Variants in RAB14 observed in about 807,000 individuals in gnomAD.
RAB14 encodes the protein ras-related protein Rab-14.
Under a neutral mutation model 31.1 loss-of-function variants are expected in RAB14, and 3 were observed. The ratio of observed to expected loss-of-function variants is 0.10; its 90% confidence interval spans 0.04 to 0.25. RAB14 has a LOEUF of 0.25. Ranked by LOEUF, RAB14 falls within the 10% of genes least tolerant of loss-of-function variation. The pLI is 1.00. For missense variants in RAB14, 111 were observed against 260.1 expected, an observed-to-expected ratio of 0.43 and a Z score of 3.94; for synonymous variants, 85 against 84.9, an observed-to-expected ratio of 1.00 and a Z score of 0.00.
At chr9:121,183,687 G>GT (rs1482468813) in intron 5 of RAB14, among the ~76,000 whole-genome samples, 2 of 152,060 alleles carry the variant, frequency 1.3e-5, no homozygotes, top group South Asian at 2.1e-4. Context: ...TCGTTGCTGG[G>GT]TTTTTTTGTT....
chr9:121,194,621 A>G (rs1238636345), intron 1 of RAB14, among the ~76,000 whole-genome samples: 3 of 152,158 alleles, frequency 2.0e-5, no homozygotes, highest in Non-Finnish European at 2.9e-5. Flanking sequence ...CCCATTTAAA[A>G]AAATCTGACT....
chr9:121,186,844 T>G, intron 5 of RAB14, 109 bp downstream of exon 5: 1 of 579,508 alleles, frequency 1.7e-6, no homozygotes, highest in Admixed American at 3.4e-5. Flanking sequence ...CAATAAAAAT[T>G]CTCTCATTCT....
At chr9:121,183,060 C>T in intron 6 of RAB14, 100 bp from the exon 7 acceptor site, 1 of 1,105,658 alleles carries the variant, frequency 9.0e-7, no homozygotes, top group South Asian at 1.4e-5. Context: ...GTTTTTAGTA[C>T]TCCTCCCATA....
Position 121,190,708 on chromosome 9 carries a change from T to C in RAB14, c.130A>G (p.Ile44Val), listed in dbSNP as rs2053681750. 8 of 1,613,054 alleles carry C rather than the reference T, an allele frequency of 5.0e-6. 1 individual carries two copies. The highest frequency in any genetic ancestry group is 2.2e-5 in the East Asian group (1 of 44,866). Residue 44 changes from isoleucine (I) to valine (V), a missense_variant, in exon 4 of 8, where the codon ATT becomes GTT. Physicochemically the swap from Ile to Val is conservative, Grantham distance 29 (BLOSUM62 3). Transcript: ENST00000373840. ...KKFMADCPHTIGVEFGTRIIE... is the reference protein window; with the variant it reads ...KKFMADCPHTVGVEFGTRIIE... ...ATTCTTGTACCAAATTCAACACCAA[T>C]TGTGTGAGGACAATCAGCCATAACT...
At chr9:121,189,725 C>A (rs796582990) in intron 4 of RAB14, among the ~76,000 whole-genome samples, 11 of 152,158 alleles carry the variant, frequency 7.2e-5, no homozygotes, top group African/African-American at 2.6e-4. Flanking sequence ...CAAGAGGAAA[C>A]CTTTTAAGGC....
intron 1 of RAB14, among the ~76,000 whole-genome samples, chr9:121,195,942 G>C (rs545719174): frequency 2.0e-5 from 3 of 152,098 alleles, no homozygotes; most frequent in Non-Finnish European, 4.4e-5. Flanking sequence ...TACTAAATAG[G>C]CTTAATGTTG....
At chr9:121,191,040 G>C (rs1477536301) in intron 3 of RAB14, among the ~76,000 whole-genome samples, 3 of 152,064 alleles carry the variant, frequency 2.0e-5, no homozygotes, top group Admixed American at 6.6e-5. Flanking sequence ...AGCAGCCAGA[G>C]ACAATATGTA....
At chr9:121,197,056 A>G (rs1422153535) in intron 1 of RAB14, among the ~76,000 whole-genome samples, 2 of 152,176 alleles carry the variant, frequency 1.3e-5, no homozygotes, top group Admixed American at 1.3e-4. Context: ...TCCAAAGACC[A>G]TGATTTTCTC....
At chr9:121,190,998 C>T (rs1564320618) in intron 3 of RAB14, among the ~76,000 whole-genome samples, 1 of 152,086 alleles carries the variant, frequency 6.6e-6, no homozygotes, top group Non-Finnish European at 1.5e-5. Flanking sequence ...GTCTTTGTCA[C>T]AAACTACTCA....
chr9:121,194,364 A>C (rs949420966), intron 1 of RAB14, among the ~76,000 whole-genome samples: 1 of 152,192 alleles, frequency 6.6e-6, no homozygotes, highest in Admixed American at 6.5e-5. Flanking sequence ...ATTTCAAAAG[A>C]TCACAGCCCA....
intron 4 of RAB14, 71 bp from the exon 5 acceptor site, chr9:121,187,090 C>T: frequency 1.2e-6 from 1 of 855,008 alleles, no homozygotes; most frequent in East Asian, 3.1e-5. Flanking sequence ...ATTTAAAATA[C>T]ATATTTAATC....
intron 5 of RAB14, among the ~76,000 whole-genome samples, chr9:121,185,648 A>G (rs2053654809): frequency 6.6e-6 from 1 of 152,176 alleles, no homozygotes; most frequent in African/African-American, 2.4e-5. Flanking sequence ...TCTAAATGAA[A>G]TCATACAGTA....
chr9:121,201,476 G>A (rs880613), intron 1 of RAB14, among the ~76,000 whole-genome samples, 163 bp downstream of exon 1: 19,236 of 152,080 alleles, frequency 0.13, 1,319 homozygotes, highest in East Asian at 0.17. Flanking sequence ...CCGGCGCCGC[G>A]GCGCTCACCG....
intron 6 of RAB14, 75 bp downstream of exon 6, chr9:121,183,236 A>G: frequency 2.3e-6 from 3 of 1,291,388 alleles, no homozygotes; most frequent in Non-Finnish European, 3.3e-6. Context: ...GCAAAAAAAA[A>G]CCAACAAAAC....
chr9:121,193,628 C>T (rs2053698438), intron 1 of RAB14, among the ~76,000 whole-genome samples: 2 of 152,028 alleles, frequency 1.3e-5, no homozygotes, highest in South Asian at 4.1e-4. Flanking sequence ...ATGTGCTATC[C>T]ACAGAAATAT....
At chr9:121,190,463 T>C in intron 4 of RAB14, 91 bp downstream of exon 4, 1 of 1,220,382 alleles carries the variant, frequency 8.2e-7, no homozygotes, top group East Asian at 2.5e-5. Flanking sequence ...GTCATACAAT[T>C]ACAAACTAAA....
intron 4 of RAB14, among the ~76,000 whole-genome samples, chr9:121,188,773 C>T (rs781224370): frequency 1.3e-5 from 2 of 151,988 alleles, no homozygotes; most frequent in Non-Finnish European, 2.9e-5. Flanking sequence ...ACTAAAGCCT[C>T]GGGTACTCTT....
At chr9:121,182,199 T>C (rs1484110528) in intron 7 of RAB14, among the ~76,000 whole-genome samples, 1 of 152,216 alleles carries the variant, frequency 6.6e-6, no homozygotes, top group Non-Finnish European at 1.5e-5. Flanking sequence ...ATTTCTGTGA[T>C]AACAGAGAGG....
chr9:121,190,408 C>T lies in RAB14; in HGVS notation c.284+146G>A, dbSNP rs2053680291. On this transcript the variant is annotated intron_variant, in intron 4 of 7. Coordinates refer to ENST00000373840, the MANE Select transcript of RAB14 (RefSeq NM_016322.4). ...TATCAATGTGTTATATCAAGTTTTA[C>T]ATGGCAACTTAAGAAACCATAAAAA... is the stretch of plus-strand genomic sequence containing the variant. 3 of 777,226 alleles carry T rather than the reference C, an allele frequency of 3.9e-6. No homozygotes were observed. In the South Asian group the frequency reaches 8.8e-5, roughly 23 times the overall value. 48.1% of individuals were successfully genotyped at this position (777,226 alleles called of 1,614,324 possible). A position where few individuals can be genotyped will look rare whatever the true frequency, so the allele number is the denominator to read the frequency against.
Sources: allele counts gnomAD v4.1 joint callset (sites outside exome capture counted in the v4.1 genomes callset), GRCh38; gene constraint gnomAD v4.1.1; transcripts MANE v1.5; gene names NCBI Gene and HGNC (gene_info 2026-07-23, HGNC 2026-07-21).